RHOBTB1: variants seen among roughly 807,000 people sequenced by gnomAD.
RHOBTB1 encodes Rho related BTB domain containing 1.
A neutral mutation model predicts 71.6 loss-of-function variants in RHOBTB1; 40 were observed. The observed-to-expected ratio is 0.56, with a 90% CI of 0.43 to 0.73. The LOEUF is 0.73. Among genes scored for constraint, RHOBTB1 ranks in the 30% least tolerant of loss-of-function variants. The pLI is 0.00. For missense variants in RHOBTB1, 797 were observed against 894.0 expected, an observed-to-expected ratio of 0.89 and a Z score of 1.38; for synonymous variants, 319 against 334.9, an observed-to-expected ratio of 0.95 and a Z score of 0.52.
At chr10:60,979,172 G>GT (rs1451796191) in intron 2 of RHOBTB1, among the ~76,000 whole-genome samples, 2 of 151,924 alleles carry the variant, frequency 1.3e-5, no homozygotes, top group Admixed American at 6.6e-5. Flanking sequence ...ATCCTCTTTT[G>GT]TTTTTTTATT....
At chr10:60,949,953 C>T (rs1277131323) in intron 2 of RHOBTB1, among the ~76,000 whole-genome samples, 1 of 152,050 alleles carries the variant, frequency 6.6e-6, no homozygotes, top group African/African-American at 2.4e-5. Context: ...TGTAGGTTTA[C>T]CTAAAGTCCT....
intron 1 of RHOBTB1, among the ~76,000 whole-genome samples, chr10:60,942,197 T>C (rs1345155429): frequency 6.6e-6 from 1 of 152,228 alleles, no homozygotes; most frequent in Non-Finnish European, 1.5e-5. Flanking sequence ...ACAGAACTCA[T>C]AGATGTGGTC....
chr10:60,978,793 T>C (rs1372196344), intron 2 of RHOBTB1, among the ~76,000 whole-genome samples: 1 of 152,204 alleles, frequency 6.6e-6, no homozygotes, highest in Non-Finnish European at 1.5e-5. Context: ...GAACTACTTA[T>C]ACAAAACCTG....
At chr10:60,899,579 A>G (rs2082316565) in intron 4 of RHOBTB1, among the ~76,000 whole-genome samples, 1 of 152,120 alleles carries the variant, frequency 6.6e-6, no homozygotes. Flanking sequence ...CTCCTTGGCA[A>G]CTCTCTTTGA....
intron 2 of RHOBTB1, among the ~76,000 whole-genome samples, chr10:60,980,796 T>C (rs1369600380): frequency 1.3e-5 from 2 of 152,170 alleles, no homozygotes; most frequent in East Asian, 3.8e-4. Flanking sequence ...AACAGAGCTC[T>C]TTCCCATCTC....
intron 2 of RHOBTB1, among the ~76,000 whole-genome samples, chr10:60,956,185 T>A (rs907872794): frequency 6.6e-6 from 1 of 152,198 alleles, no homozygotes; most frequent in Non-Finnish European, 1.5e-5. Context: ...CTGGATTGAA[T>A]CCTGTAGGCA....
chr10:60,961,998 G>A (rs2085798641), intron 2 of RHOBTB1, among the ~76,000 whole-genome samples: 1 of 151,966 alleles, frequency 6.6e-6, no homozygotes, highest in African/African-American at 2.4e-5. Context: ...AATAGAGATG[G>A]AGTTTCACCA....
At chr10:60,964,227 A>G (rs1483083643) in intron 2 of RHOBTB1, among the ~76,000 whole-genome samples, 1 of 152,136 alleles carries the variant, frequency 6.6e-6, no homozygotes, top group Non-Finnish European at 1.5e-5. Flanking sequence ...TGTTACTGCC[A>G]ATTTGCTCAC....
chr10:60,914,127 A>G (rs1359049299), intron 2 of RHOBTB1, among the ~76,000 whole-genome samples: 1 of 152,216 alleles, frequency 6.6e-6, no homozygotes. Context: ...CTCACTGAAA[A>G]TTAAAGAATA....
Position 60,875,110 on chromosome 10 carries a change from G to A in RHOBTB1, c.1727-68C>T. ...TGCGAGCCAGGTAGCTTGCCTGGAG[G>A]GTTGGTCTGGGACGACTTAAGAAGG... On this transcript the variant is annotated intron_variant, in intron 8 of 10. Transcript: ENST00000337910. The A allele has an allele frequency of 2.6e-6, 3 of 1,146,170 alleles. No individual in the cohort carries two copies. In the South Asian group the frequency reaches 3.7e-5, roughly 14 times the overall value. The allele number at this position is 1,146,170 out of a possible 1,614,324, so 71.0% of individuals were successfully genotyped here. A position where few individuals can be genotyped will look rare whatever the true frequency, so the allele number is the denominator to read the frequency against.
At chr10:60,873,097 G>A (rs954803444) in intron 9 of RHOBTB1, among the ~76,000 whole-genome samples, 3 of 152,150 alleles carry the variant, frequency 2.0e-5, no homozygotes, top group Non-Finnish European at 4.4e-5. Context: ...AGAAAAGCCA[G>A]AGACCTCAGA....
chr10:60,871,146 A>G lies in RHOBTB1; in HGVS notation c.*336T>C, dbSNP rs2080759246. 4.8e-6 allele frequency: 1 copy of G among 208,734 alleles called. No individual in the cohort carries two copies. Among genetic ancestry groups the G allele is most frequent in the African/African-American group, 2.3e-5 (1 of 43,346 alleles). The allele number at this position is 208,734 out of a possible 1,614,324, so 12.9% of individuals were successfully genotyped here. A position where few individuals can be genotyped will look rare whatever the true frequency, so the allele number is the denominator to read the frequency against. ...ACAGACCATATAAAAATATTTTCCA[A>G]TCTGGAATCAGAAACATGAAAGCTG... On this transcript the variant is annotated 3_prime_UTR_variant, in exon 11 of 11. Coordinates refer to ENST00000337910, the MANE Select transcript of RHOBTB1 (RefSeq NM_014836.5).
chr10:60,965,062 C>T (rs1426226722), intron 2 of RHOBTB1, among the ~76,000 whole-genome samples: 1 of 152,034 alleles, frequency 6.6e-6, no homozygotes, highest in African/African-American at 2.4e-5. Flanking sequence ...ACTTATAAGG[C>T]ATCTATTTGT....
intron 2 of RHOBTB1, among the ~76,000 whole-genome samples, chr10:60,973,665 G>A (rs2086232632): frequency 6.6e-6 from 1 of 151,870 alleles, no homozygotes; most frequent in Non-Finnish European, 1.5e-5. Flanking sequence ...TGGTGGCCTG[G>A]GATAATGGGA....
chr10:60,872,153 G>T, intron 10 of RHOBTB1, 32 bp downstream of exon 10: 1 of 1,462,194 alleles, frequency 6.8e-7, no homozygotes, highest in Non-Finnish European at 9.6e-7. Context: ...GGTGAGGAGA[G>T]CTGGATGAAT....
intron 2 of RHOBTB1, among the ~76,000 whole-genome samples, chr10:60,977,009 T>C (rs556314348): frequency 6.6e-6 from 1 of 152,158 alleles, no homozygotes; most frequent in African/African-American, 2.4e-5. Flanking sequence ...CTTAGCTTCA[T>C]TGGCTAAATT....
intron 5 of RHOBTB1, among the ~76,000 whole-genome samples, chr10:60,892,179 T>A (rs192331335): frequency 6.6e-6 from 1 of 152,320 alleles, no homozygotes; most frequent in Admixed American, 6.5e-5. Flanking sequence ...AAAATCAATA[T>A]CGACATTTTA....
intron 2 of RHOBTB1, among the ~76,000 whole-genome samples, chr10:60,963,399 A>T (rs1391007710): frequency 6.6e-6 from 1 of 152,210 alleles, no homozygotes; most frequent in Non-Finnish European, 1.5e-5. Flanking sequence ...ATTCTCAGGT[A>T]TTAGAAGAGG....
At chr10:60,951,200 T>C (rs2085397162) in intron 2 of RHOBTB1, among the ~76,000 whole-genome samples, 2 of 152,184 alleles carry the variant, frequency 1.3e-5, no homozygotes, top group African/African-American at 4.8e-5. Context: ...CTAACTTGTA[T>C]ATAGATACCA....
Sources: gnomAD v4.1 joint callset for allele counts (sites outside exome capture counted in the v4.1 genomes callset) on GRCh38, gnomAD v4.1.1 for gene constraint, MANE v1.5 for transcripts, NCBI Gene and HGNC (gene_info 2026-07-23, HGNC 2026-07-21) for gene names.